The following ZNF704 variants were observed in gnomAD, a reference collection of about 807,000 sequenced individuals.
ZNF704 encodes glucocorticoid induced gene 1.
A neutral mutation model predicts 44.7 loss-of-function variants in ZNF704; 10 were observed. The ratio of observed to expected loss-of-function variants is 0.22; its 90% CI spans 0.14 to 0.38. ZNF704 has a LOEUF of 0.38. ZNF704 is among the 10% of genes least tolerant of loss of function. The pLI is 1.00. For missense variants in ZNF704, 390 were observed against 545.5 expected (o/e 0.71, Z 2.84); for synonymous variants, 211 against 207.6 (o/e 1.02, Z -0.14).
chr8:80,661,438 C>T (rs1240012213), intron 6 of ZNF704, among the ~76,000 whole-genome samples: 2 of 152,128 alleles, frequency 1.3e-5, no homozygotes, highest in East Asian at 1.9e-4. Context: ...AATCTCACTA[C>T]TGGGTATTTA....
At chr8:80,830,824 C>T (rs906684496) in intron 1 of ZNF704, among the ~76,000 whole-genome samples, 54 of 138,536 alleles carry the variant, frequency 3.9e-4, no homozygotes, top group Non-Finnish European at 6.9e-4. Context: ...GTGGCACAAT[C>T]TCAACTCACT....
chr8:80,754,239 A>G (rs913826838), intron 2 of ZNF704, among the ~76,000 whole-genome samples: 1 of 152,092 alleles, frequency 6.6e-6, no homozygotes, highest in Non-Finnish European at 1.5e-5. Flanking sequence ...TACTAACGGG[A>G]CAGCCAGTAT....
At position 80,641,438 on chromosome 8, in the gene ZNF704, G is replaced by A. The variant is rs548706663; in HGVS notation, c.1167C>T (p.Tyr389=). Residue 389 remains tyrosine, a synonymous_variant, in exon 9 of 9, where the codon TAC becomes TAT. Coordinates refer to ENST00000327835, the MANE Select transcript of ZNF704 (RefSeq NM_001033723.3). ...ACCACATGTCTCGGTTCTCCATCCCGTACACCTTCCGACACTTTTTGCCCT... is the reference window on the plus strand; with the variant it reads ...ACCACATGTCTCGGTTCTCCATCCCATACACCTTCCGACACTTTTTGCCCT... The part of the protein sequence containing the change: ...RGEGKKCRKV[Y]GMENRDMWCT... The A allele has an allele frequency of 1.6e-5, 26 of 1,613,284 alleles. No homozygotes were observed. The African/African-American group carries it at 2.1e-4, about 13-fold the overall frequency.
chr8:80,792,118 G>C (rs997091130), intron 2 of ZNF704, among the ~76,000 whole-genome samples: 2 of 152,190 alleles, frequency 1.3e-5, no homozygotes, highest in Admixed American at 1.3e-4. Flanking sequence ...GTGGGTAGAA[G>C]TTCTGGAAGG....
At chr8:80,792,504 G>A (rs1444773429) in intron 2 of ZNF704, among the ~76,000 whole-genome samples, 1 of 152,134 alleles carries the variant, frequency 6.6e-6, no homozygotes, top group Non-Finnish European at 1.5e-5. Context: ...CTGGCCTAGT[G>A]ACCTGCTTCT....
intron 2 of ZNF704, among the ~76,000 whole-genome samples, chr8:80,752,168 C>A (rs902755288): frequency 1.3e-5 from 2 of 152,164 alleles, no homozygotes; most frequent in African/African-American, 2.4e-5. Context: ...TTAATACATT[C>A]AACACAGATG....
intron 1 of ZNF704, among the ~76,000 whole-genome samples, chr8:80,844,829 T>TTTATTTATTTA (rs1808742378): frequency 6.7e-6 from 1 of 148,852 alleles, no homozygotes; most frequent in African/African-American, 2.5e-5. Flanking sequence ...TTTCTTCTCT[T>TTTATTTATTTA]TTTATTTATT....
chr8:80,648,269 G>A (rs774101689), intron 7 of ZNF704, among the ~76,000 whole-genome samples: 5 of 152,118 alleles, frequency 3.3e-5, no homozygotes, highest in Admixed American at 6.5e-5. Flanking sequence ...ATGACCCCTC[G>A]CCAAAGTCCT....
chr8:80,668,651 G>A (rs1818232256), intron 5 of ZNF704, among the ~76,000 whole-genome samples: 1 of 152,232 alleles, frequency 6.6e-6, no homozygotes, highest in Admixed American at 6.5e-5. Context: ...AGCCCCTGGT[G>A]TACAAGAATG....
chr8:80,835,584 T>C (rs919470909), intron 1 of ZNF704, among the ~76,000 whole-genome samples: 3 of 152,190 alleles, frequency 2.0e-5, no homozygotes, highest in African/African-American at 7.2e-5. Flanking sequence ...TCACACAAGA[T>C]AGGGTGAACA....
At chr8:80,774,957 G>A (rs747665028) in intron 2 of ZNF704, among the ~76,000 whole-genome samples, 22 of 152,146 alleles carry the variant, frequency 1.4e-4, no homozygotes, top group East Asian at 1.9e-4. Flanking sequence ...GCTGTGGCCC[G>A]GGGGTTTCTA....
intron 2 of ZNF704, among the ~76,000 whole-genome samples, chr8:80,695,113 A>C (rs544815472): frequency 6.6e-6 from 1 of 152,354 alleles, no homozygotes; most frequent in African/African-American, 2.4e-5. Context: ...AAACAGACAA[A>C]GCCTCTTGAA....
intron 2 of ZNF704, among the ~76,000 whole-genome samples, chr8:80,698,855 C>T (rs79708718): frequency 0.012 from 1,777 of 152,270 alleles, 17 homozygotes; most frequent in Middle Eastern, 0.054. Context: ...TTGTTTGTGC[C>T]GCAAGAAGCC....
chr8:80,754,320 T>C (rs1459799242), intron 2 of ZNF704, among the ~76,000 whole-genome samples: 5 of 152,322 alleles, frequency 3.3e-5, no homozygotes, highest in Admixed American at 2.6e-4. Context: ...CGCACTGGTA[T>C]GTGCAGTCAC....
At chr8:80,826,129 G>T (rs938669028) in intron 1 of ZNF704, among the ~76,000 whole-genome samples, 1 of 152,104 alleles carries the variant, frequency 6.6e-6, no homozygotes, top group Non-Finnish European at 1.5e-5. Flanking sequence ...AAAAATCAAT[G>T]AATCCAGGAG....
intron 2 of ZNF704, among the ~76,000 whole-genome samples, chr8:80,734,064 T>C (rs534526406): frequency 1.5e-4 from 23 of 152,334 alleles, no homozygotes; most frequent in African/African-American, 5.5e-4. Flanking sequence ...TTCGAAAAAC[T>C]GCCAATCTAC....
chr8:80,865,756 A>C (rs1809144770), intron 1 of ZNF704, among the ~76,000 whole-genome samples: 1 of 152,200 alleles, frequency 6.6e-6, no homozygotes, highest in Admixed American at 6.5e-5. Flanking sequence ...TCCATGGAGC[A>C]GTGCCCAGGC....
At position 80,838,671 on chromosome 8, in the gene ZNF704, TGGA is replaced by T. The variant is rs143628593; in HGVS notation, c.-21-17059_-21-17057del. Among the ~76,000 whole-genome samples, 12 of 124,914 alleles carry T rather than the reference TGGA, an allele frequency of 9.6e-5. No homozygotes were observed. The South Asian group carries it at 1.1e-3, about 11-fold the overall frequency. 81.9% of individuals were successfully genotyped at this position (124,914 alleles called of 152,430 possible). On this transcript the variant is annotated intron_variant, in intron 1 of 8. Coordinates refer to ENST00000327835, the MANE Select transcript of ZNF704 (RefSeq NM_001033723.3). ...GGAGGAGGAGGAAAGAAGCAGAACC[TGGA>T]GGAGGAGGAGGAGGAGGGGAGCAGA...
intron 3 of ZNF704, among the ~76,000 whole-genome samples, chr8:80,690,433 A>G (rs1293669129): frequency 2.0e-5 from 3 of 152,258 alleles, no homozygotes; most frequent in African/African-American, 7.2e-5. Flanking sequence ...CAGGGTTTTA[A>G]AATTTTTTAT....
Sources: gnomAD v4.1 joint callset for allele counts (sites outside exome capture counted in the v4.1 genomes callset) on GRCh38, gnomAD v4.1.1 for gene constraint, MANE v1.5 for transcripts, NCBI Gene and HGNC (gene_info 2026-07-23, HGNC 2026-07-21) for gene names.